Variants in MAP4K3 observed in about 807,000 individuals in gnomAD.
MAP4K3 encodes the protein MAPK/ERK kinase kinase kinase 3.
In MAP4K3, 94 loss-of-function variants were observed where a neutral mutation model predicts 143.5. The ratio of observed to expected loss-of-function variants is 0.65; its 90% CI spans 0.55 to 0.78. MAP4K3 has a LOEUF of 0.78. MAP4K3 is among the 30% of genes least tolerant of loss of function. MAP4K3 has a pLI of 0.00. For missense variants in MAP4K3, 1,077 were observed against 1,068.1 expected, an observed-to-expected ratio of 1.01 and a Z score of -0.12; for synonymous variants, 416 against 347.2, an observed-to-expected ratio of 1.20 and a Z score of -2.20.
intron 33 of MAP4K3, 53 bp from the exon 34 acceptor site, chr2:39,250,758 G>C: frequency 6.9e-7 from 1 of 1,456,294 alleles, no homozygotes; most frequent in Admixed American, 1.8e-5. Context: ...GAAAATTAAT[G>C]TTAGCTCCCA....
intron 3 of MAP4K3, among the ~76,000 whole-genome samples, chr2:39,348,200 G>A (rs965460470): frequency 4.6e-5 from 7 of 151,962 alleles, no homozygotes; most frequent in African/African-American, 1.4e-4. Context: ...GAAAATGAAT[G>A]CAGGAAATGA....
chr2:39,272,468 A>G lies in MAP4K3; in HGVS notation c.1855+14T>C, dbSNP rs1191214761. The G allele has an allele frequency of 1.2e-6, 2 of 1,607,766 alleles. No individual in the cohort carries two copies. Among genetic ancestry groups the G allele is most frequent in the Non-Finnish European group, 1.7e-6 (2 of 1,174,550 alleles). ...AGTAACAATTGTAAGGTATTTAAAA[A>G]CTAATATACTTACCAGATATTGATA... On this transcript the variant is annotated intron_variant, in intron 25 of 33. Transcript: ENST00000263881.
At chr2:39,294,987 C>G (rs921458503) in intron 16 of MAP4K3, among the ~76,000 whole-genome samples, 1 of 150,336 alleles carries the variant, frequency 6.7e-6, no homozygotes, top group African/African-American at 2.5e-5. Flanking sequence ...AATGCAGTAG[C>G]AGACATGAGA....
At chr2:39,301,386 C>T (rs1682503902) in intron 15 of MAP4K3, among the ~76,000 whole-genome samples, 1 of 152,180 alleles carries the variant, frequency 6.6e-6, no homozygotes, top group Admixed American at 6.5e-5. Context: ...TACAAAACTG[C>T]ACAGTTTAAG....
Position 39,286,859 on chromosome 2 carries a change from T to C in MAP4K3, c.1580A>G (p.Asp527Gly). The C allele has an allele frequency of 1.3e-6, 2 of 1,598,356 alleles. No homozygotes were observed. Among genetic ancestry groups the C allele is most frequent in the Non-Finnish European group, 1.7e-6 (2 of 1,173,402 alleles). ...GTNLSRKEKK[D>G]VPKPISNGLP... Reference sequence around the variant, plus strand: ...ATGACTATCAATACCTACTGGTACATCTTTCTTTTCTTTTCTTGAAAGGTT... The same window carrying C: ...ATGACTATCAATACCTACTGGTACACCTTTCTTTTCTTTTCTTGAAAGGTT... Residue 527 changes from aspartate (D) to glycine (G), a missense_variant, in exon 21 of 34, where the codon GAT (aspartate) becomes GGT (glycine). Physicochemically the swap from Asp to Gly is moderately conservative, Grantham distance 94. Coordinates refer to ENST00000263881, the MANE Select transcript of MAP4K3 (RefSeq NM_003618.4).
At chr2:39,307,019 G>C (rs1474739092) in intron 15 of MAP4K3, among the ~76,000 whole-genome samples, 1 of 152,136 alleles carries the variant, frequency 6.6e-6, no homozygotes, top group African/African-American at 2.4e-5. Context: ...CCCTAAAGAA[G>C]GGAAATTATG....
At chr2:39,331,288 T>G (rs1249778813) in intron 8 of MAP4K3, among the ~76,000 whole-genome samples, 4 of 152,146 alleles carry the variant, frequency 2.6e-5, no homozygotes, top group African/African-American at 9.6e-5. Flanking sequence ...CTGCTTAATA[T>G]CACATCTAGC....
chr2:39,268,634 ATTT>A (rs70954799), intron 26 of MAP4K3, among the ~76,000 whole-genome samples: 173 of 73,778 alleles, frequency 2.3e-3, no homozygotes, highest in African/African-American at 7.5e-3. Flanking sequence ...GATTTTTTCT[ATTT>A]TTTTTTTTTT....
intron 15 of MAP4K3, among the ~76,000 whole-genome samples, chr2:39,304,286 T>C (rs577942571): frequency 1.3e-5 from 2 of 152,314 alleles, no homozygotes; most frequent in East Asian, 3.9e-4. Flanking sequence ...TATGGAATGT[T>C]TATGTAGCAA....
At position 39,250,510 on chromosome 2, in the gene MAP4K3, G is replaced by C; in HGVS notation, c.*108C>G. 9.8e-7 allele frequency: 1 copy of C among 1,022,590 alleles called. No homozygotes were observed. The highest frequency in any genetic ancestry group is 1.4e-6 in the Non-Finnish European group (1 of 707,508). The allele number at this position is 1,022,590 out of a possible 1,614,324, so 63.3% of individuals were successfully genotyped here. On this transcript the variant is annotated 3_prime_UTR_variant, in exon 34 of 34. Coordinates refer to ENST00000263881, the MANE Select transcript of MAP4K3 (RefSeq NM_003618.4). ...ATCTCATGCCACAATAAATTACAAAGTAACTGAAGACAGGTTACTGCAGCT... is the reference window on the plus strand; with the variant it reads ...ATCTCATGCCACAATAAATTACAAACTAACTGAAGACAGGTTACTGCAGCT...
chr2:39,401,692 T>A (rs544467102), intron 1 of MAP4K3, among the ~76,000 whole-genome samples: 2 of 152,090 alleles, frequency 1.3e-5, no homozygotes, highest in East Asian at 3.9e-4. Context: ...TCTCAGCTGC[T>A]TGGGGAGCTT....
intron 13 of MAP4K3, 22 bp downstream of exon 13, chr2:39,315,288 A>G: frequency 6.9e-7 from 1 of 1,442,520 alleles, no homozygotes; most frequent in Non-Finnish European, 9.6e-7. Flanking sequence ...TAAATCATAA[A>G]CTGTGTATAG....
intron 3 of MAP4K3, among the ~76,000 whole-genome samples, chr2:39,354,392 G>C (rs1188623303): frequency 6.6e-6 from 1 of 152,148 alleles, no homozygotes. Context: ...GCAGTGAGCT[G>C]AGATCGCGCC....
intron 1 of MAP4K3, among the ~76,000 whole-genome samples, chr2:39,408,235 C>A (rs1340245721): frequency 6.6e-6 from 1 of 152,196 alleles, no homozygotes; most frequent in East Asian, 1.9e-4. Context: ...CAGTAAGGAA[C>A]TGCCTTTTAA....
At chr2:39,322,388 A>C (rs1301174091) in intron 12 of MAP4K3, among the ~76,000 whole-genome samples, 1 of 152,146 alleles carries the variant, frequency 6.6e-6, no homozygotes, top group East Asian at 1.9e-4. Flanking sequence ...CAGATTAATA[A>C]AATTGTTAAA....
At chr2:39,339,327 A>G (rs200223551) in intron 4 of MAP4K3, among the ~76,000 whole-genome samples, 1 of 152,236 alleles carries the variant, frequency 6.6e-6, no homozygotes, top group Non-Finnish European at 1.5e-5. Flanking sequence ...TTCTGTTTCT[A>G]TAATATGATA....
chr2:39,258,659 A>G lies in MAP4K3; in HGVS notation c.2309-72T>C, dbSNP rs370601305. 8 of 1,045,496 alleles carry G rather than the reference A, an allele frequency of 7.7e-6. No individual in the cohort carries two copies. The African/African-American group carries it at 1.1e-4, about 15-fold the overall frequency. The allele number at this position is 1,045,496 out of a possible 1,614,324, so 64.8% of individuals were successfully genotyped here. A position where few individuals can be genotyped will look rare whatever the true frequency, so the allele number is the denominator to read the frequency against. On this transcript the variant is annotated intron_variant, in intron 29 of 33. Transcript: ENST00000263881. ...TAAAGCATGGAAACATTGAAGAAAA[A>G]GAATTCTGAGGATAACAATACTTGA...
At position 39,275,473 on chromosome 2, in the gene MAP4K3, C is replaced by A. The variant is rs549494983; in HGVS notation, c.1795-2931G>T. Among the ~76,000 whole-genome samples the A allele has an allele frequency of 3.9e-5, 6 of 152,244 alleles. No homozygotes were observed. The South Asian group carries it at 6.2e-4, about 16-fold the overall frequency. Reference sequence around the variant, plus strand: ...CTCCAGCCTGGGTGACAGAATGAAACCCTGTCTCAAAAATAACAACAACAA... The same window carrying A: ...CTCCAGCCTGGGTGACAGAATGAAAACCTGTCTCAAAAATAACAACAACAA... On this transcript the variant is annotated intron_variant, in intron 24 of 33. Transcript: ENST00000263881.
At chr2:39,293,920 C>T (rs1558628282) in intron 16 of MAP4K3, 2 of 152,174 alleles carry the variant, frequency 1.3e-5, no homozygotes, top group African/African-American at 2.4e-5. Flanking sequence ...CAGACCAGGT[C>T]GAGGATTTTA....
Sources: gnomAD v4.1 joint callset for allele counts (sites outside exome capture counted in the v4.1 genomes callset) on GRCh38, gnomAD v4.1.1 for gene constraint, MANE v1.5 for transcripts, NCBI Gene and HGNC (gene_info 2026-07-23, HGNC 2026-07-21) for gene names.